Variants in ITSN2 observed in about 807,000 individuals in gnomAD.
ITSN2 encodes intersectin-2.
ITSN2 carries 156 observed loss-of-function variants against 243.7 expected under a neutral mutation model. The observed-to-expected ratio is 0.64, with a 90% CI of 0.56 to 0.73. The LOEUF (loss-of-function observed/expected upper bound fraction) is 0.73. Among genes scored for constraint, ITSN2 ranks in the 30% least tolerant of loss-of-function variants. ITSN2 has a pLI of 0.00. For synonymous variants in ITSN2, 703 were observed against 699.9 expected, an observed-to-expected ratio of 1.00 and a Z score of -0.07; for missense variants, 1,801 against 1,996.1, an observed-to-expected ratio of 0.90 and a Z score of 1.86.
chr2:24,330,367 C>T, intron 1 of ITSN2: 1 of 535,018 alleles, frequency 1.9e-6, no homozygotes, highest in South Asian at 1.6e-5. Flanking sequence ...GCATCCTGTG[C>T]CAAGTGCTTA....
intron 17 of ITSN2, among the ~76,000 whole-genome samples, chr2:24,281,909 G>A (rs1472356666): frequency 6.6e-6 from 1 of 152,166 alleles, no homozygotes; most frequent in African/African-American, 2.4e-5. Context: ...GTTATATCAT[G>A]TCCTCCTCTA....
chr2:24,252,941 A>G (rs957712470), intron 24 of ITSN2, among the ~76,000 whole-genome samples: 2 of 152,152 alleles, frequency 1.3e-5, no homozygotes, highest in Admixed American at 1.3e-4. Context: ...TTTCTCTTTA[A>G]TTCTTTTAAG....
At chr2:24,210,151 G>A in intron 34 of ITSN2, 118 bp from the exon 35 acceptor site, 1 of 682,142 alleles carries the variant, frequency 1.5e-6, no homozygotes, top group Admixed American at 2.7e-5. Flanking sequence ...TGGGAATGTG[G>A]CTAGAATCAT....
intron 5 of ITSN2, chr2:24,311,647 A>G (rs1170400826): frequency 6.0e-6 from 1 of 167,112 alleles, no homozygotes; most frequent in Non-Finnish European, 1.5e-5. Flanking sequence ...TCTCACATAT[A>G]ATTATAAGAA....
intron 29 of ITSN2, chr2:24,242,076 A>G (rs1389834933): frequency 1.3e-5 from 2 of 152,650 alleles, no homozygotes. Context: ...AGTGGCTCTA[A>G]CATTCAAACG....
chr2:24,296,081 TAGAC>T (rs1348024531), intron 13 of ITSN2, among the ~76,000 whole-genome samples: 1 of 152,146 alleles, frequency 6.6e-6, no homozygotes, highest in Non-Finnish European at 1.5e-5. Flanking sequence ...AATTCAGCAT[TAGAC>T]AATATTAATT....
At chr2:24,306,165 C>G (rs1013315122) in intron 8 of ITSN2, among the ~76,000 whole-genome samples, 1 of 151,924 alleles carries the variant, frequency 6.6e-6, no homozygotes, top group African/African-American at 2.4e-5. Flanking sequence ...TTTTTAGTAG[C>G]GATGGGGTTT....
chr2:24,275,798 T>C lies in ITSN2; in HGVS notation c.1996A>G (p.Lys666Glu), dbSNP rs755906029. ...TCCTTCAACTTGTCACGTTTGATCT[T>C]ATAAAGCTGTTCAAGGGCTAACTGC... ...TQQLALEQLY[K>E]IKRDKLKEIE... The change falls in exon 18 of 40, where the codon AAG becomes GAG. Residue 666 changes from lysine to glutamate, a missense_variant. Coordinates refer to ENST00000355123, the MANE Select transcript of ITSN2 (RefSeq NM_006277.3). 5.6e-6 allele frequency: 9 copies of C among 1,612,814 alleles called. No individual in the cohort carries two copies. The Admixed American group carries it at 1.3e-4, about 24-fold the overall frequency.
chr2:24,353,193 T>C (rs1444857250), intron 1 of ITSN2, among the ~76,000 whole-genome samples: 3 of 152,156 alleles, frequency 2.0e-5, no homozygotes, highest in Non-Finnish European at 2.9e-5. Context: ...TTAATGTACA[T>C]AGGGCTATTA....
At chr2:24,248,955 A>C (rs1673762008) in intron 25 of ITSN2, 73 bp from the exon 26 acceptor site, 4 of 1,386,122 alleles carry the variant, frequency 2.9e-6, no homozygotes, top group Admixed American at 3.7e-5. Flanking sequence ...GGTTAATGGG[A>C]ATTAGAGATT....
intron 2 of ITSN2, among the ~76,000 whole-genome samples, chr2:24,325,507 A>G (rs941436675): frequency 1.3e-5 from 2 of 152,246 alleles, no homozygotes; most frequent in South Asian, 2.1e-4. Context: ...TTATTTAAAT[A>G]TATCAACTAA....
intron 14 of ITSN2, among the ~76,000 whole-genome samples, chr2:24,294,196 CA>C (rs1680647836): frequency 6.6e-6 from 1 of 152,146 alleles, no homozygotes; most frequent in African/African-American, 2.4e-5. Context: ...GAGGCCAAGG[CA>C]GGTGGATCAC....
chr2:24,271,624 T>C, intron 19 of ITSN2, 142 bp downstream of exon 19: 1 of 1,065,658 alleles, frequency 9.4e-7, no homozygotes, highest in South Asian at 2.9e-5. Context: ...TACTGCTTTT[T>C]ATCCAAGTTT....
rs558405453 is a variant in ITSN2 at position 24,274,100 on chromosome 2, T to C, written c.2081+1613A>G. ...ATGAAGAAAGATTAAGGTAACTGCA[T>C]ATGTCAATAGAAAGTTCTGACATAA... On this transcript the variant is annotated intron_variant, in intron 18 of 39. Transcript: ENST00000355123. 9.1e-4 allele frequency among the ~76,000 whole-genome samples: 139 copies of C among 152,348 alleles called. 3 individuals carry two copies. The South Asian group carries it at 0.028, about 31-fold the overall frequency.
chr2:24,240,335 A>T (rs1298017010), intron 29 of ITSN2: 1 of 152,310 alleles, frequency 6.6e-6, no homozygotes, highest in East Asian at 1.9e-4. Context: ...CAGTGAATGC[A>T]GGCAAATCTG....
chr2:24,248,848 T>C lies in ITSN2; in HGVS notation c.3155A>G (p.Asn1052Ser). The change falls in exon 26 of 40, where the codon AAT (asparagine) becomes AGT (serine). Residue 1052 changes from asparagine to serine, a missense_variant. By Grantham distance (46) the Asn-to-Ser change is conservative. This residue lies in a region of ITSN2 where 928 missense variants were observed against 1,065.4 expected (regional missense o/e 0.87). Transcript: ENST00000355123. ...FGSASKSGAS[N>S]KKPEIAQVTS... Reference sequence around the variant, plus strand: ...ACTACTATACGTACCAGGTTTTTTATTTGATGCTCCAGACTTGCTAGCACT... The same window carrying C: ...ACTACTATACGTACCAGGTTTTTTACTTGATGCTCCAGACTTGCTAGCACT... 5 of 1,613,838 alleles carry C rather than the reference T, an allele frequency of 3.1e-6. No homozygotes were observed. The highest frequency in any genetic ancestry group is 4.2e-6 in the Non-Finnish European group (5 of 1,179,798).
chr2:24,342,423 T>A (rs533691736), intron 1 of ITSN2, among the ~76,000 whole-genome samples: 3 of 151,222 alleles, frequency 2.0e-5, no homozygotes, highest in Non-Finnish European at 4.4e-5. Context: ...GGTCTCAAAC[T>A]CCTAAGCTCA....
At chr2:24,275,984 A>C in intron 17 of ITSN2, 135 bp from the exon 18 acceptor site, 1 of 581,394 alleles carries the variant, frequency 1.7e-6, no homozygotes. Flanking sequence ...TAAAGTTTTA[A>C]AAAATATCTA....
intron 1 of ITSN2, among the ~76,000 whole-genome samples, chr2:24,341,989 T>C (rs976181600): frequency 6.6e-6 from 1 of 151,764 alleles, no homozygotes; most frequent in African/African-American, 2.4e-5. Context: ...AAAAAGGAGA[T>C]GGGAGAGAAG....
Sources: gnomAD v4.1 joint callset for allele counts (sites outside exome capture counted in the v4.1 genomes callset) on GRCh38, gnomAD v4.1.1 for gene constraint, gnomAD v4.1.1 regional missense constraint, MANE v1.5 for transcripts, NCBI Gene and HGNC (gene_info 2026-07-23, HGNC 2026-07-21) for gene names.